Variants in CLSTN1 observed in about 807,000 individuals in gnomAD.
CLSTN1 encodes the protein calsyntenin-1.
In CLSTN1, 28 loss-of-function variants were observed where a neutral mutation model predicts 108.3. The observed-to-expected ratio is 0.26, with a 90% CI of 0.19 to 0.35. The LOEUF (loss-of-function observed/expected upper bound fraction) is 0.35, where lower values mean the gene tolerates loss of function less well. Among genes scored for constraint, CLSTN1 ranks in the 10% least tolerant of loss-of-function variants. The probability of loss-of-function intolerance (pLI) is 1.00; values close to 1 mark genes in which losing one functional copy is unlikely to be tolerated. For synonymous variants in CLSTN1, 524 were observed against 534.9 expected, an observed-to-expected ratio of 0.98 and a Z score of 0.28; for missense variants, 1,157 against 1,302.6, an observed-to-expected ratio of 0.89 and a Z score of 1.72.
At position 9,773,347 on chromosome 1, in the gene CLSTN1, T is replaced by C; in HGVS notation, c.139A>G (p.Thr47Ala). The change falls in exon 2 of 19, where the codon ACA (threonine) becomes GCA (alanine). Residue 47 changes from threonine to alanine, a missense_variant. Thr to Ala is a moderately conservative substitution (Grantham distance 58). Transcript: ENST00000377298. ...WLEPTYHGIV[T>A]ENDNTVLLDP... The stretch of plus-strand genomic sequence containing the variant: ...AGGAGCACGGTGTTGTCGTTCTCTG[T>C]GACTATGCCGTGGTAGGTGGGCTCC... 1.9e-6 allele frequency: 3 copies of C among 1,614,184 alleles called. No individual in the cohort carries two copies. The highest frequency in any genetic ancestry group is 2.5e-6 in the Non-Finnish European group (3 of 1,180,030).
At chr1:9,798,240 A>G (rs1328099260) in intron 1 of CLSTN1, among the ~76,000 whole-genome samples, 1 of 152,174 alleles carries the variant, frequency 6.6e-6, no homozygotes, top group East Asian at 1.9e-4. Flanking sequence ...TCCCAGGTAT[A>G]CATCCAAAAG....
chr1:9,816,481 T>A (rs1654974914), intron 1 of CLSTN1, among the ~76,000 whole-genome samples: 1 of 151,296 alleles, frequency 6.6e-6, no homozygotes, highest in African/African-American at 2.4e-5. Context: ...CTGAATTGTA[T>A]GCCTTAAAAG....
chr1:9,743,833 T>C lies in CLSTN1; in HGVS notation c.1356+51A>G, dbSNP rs528141508. ...CCAGCCTCCCAAAGTGCTGGGATTA[T>C]AGGTGTGAGCACCTTGCCCGGCCCT... On this transcript the variant is annotated intron_variant, in intron 9 of 18. Transcript: ENST00000377298. The C allele has an allele frequency of 1.5e-5, 24 of 1,603,894 alleles. No homozygotes were observed. In the East Asian group the frequency reaches 2.7e-4, roughly 18 times the overall value.
chr1:9,749,319 G>T, intron 7 of CLSTN1, 142 bp downstream of exon 7: 2 of 870,436 alleles, frequency 2.3e-6, no homozygotes, highest in Non-Finnish European at 3.4e-6. Flanking sequence ...AGCCAGCAAG[G>T]CAGCAAAGTT....
chr1:9,823,591 C>G lies in CLSTN1; in HGVS notation c.91+52G>C, dbSNP rs1359860107. ...CGCACCGGGACCCGAATCCTGCACC[C>G]GGACCCGAATCCCGCACCGACCCAG... On this transcript the variant is annotated intron_variant, in intron 1 of 18. Coordinates refer to ENST00000377298, the MANE Select transcript of CLSTN1 (RefSeq NM_001009566.3). This position sits in a 1 kb window ranked among gnomAD's most constrained non-coding sequence, Gnocchi z 6.3. 8.8e-7 allele frequency: 1 copy of G among 1,134,600 alleles called. No individual in the cohort carries two copies. The highest frequency in any genetic ancestry group is 1.1e-6 in the Non-Finnish European group (1 of 912,774). 70.3% of individuals were successfully genotyped at this position (1,134,600 alleles called of 1,614,324 possible).
At chr1:9,820,418 C>A (rs1286013637) in intron 1 of CLSTN1, among the ~76,000 whole-genome samples, 1 of 152,070 alleles carries the variant, frequency 6.6e-6, no homozygotes, top group Non-Finnish European at 1.5e-5. Context: ...ACTGGTGAGG[C>A]TGAGGCAGAA....
intron 1 of CLSTN1, among the ~76,000 whole-genome samples, chr1:9,775,895 C>T (rs1159719305): frequency 6.6e-6 from 1 of 152,058 alleles, no homozygotes. Flanking sequence ...AGGGGGGTCA[C>T]GCTCACGTGT....
At chr1:9,819,929 G>T (rs1191371908) in intron 1 of CLSTN1, among the ~76,000 whole-genome samples, 7 of 152,018 alleles carry the variant, frequency 4.6e-5, no homozygotes, top group African/African-American at 9.7e-5. Flanking sequence ...TTTTTAAAGG[G>T]ACTAACAGGG....
intron 4 of CLSTN1, among the ~76,000 whole-genome samples, chr1:9,754,525 C>T (rs1222041978): frequency 6.6e-6 from 1 of 152,002 alleles, no homozygotes; most frequent in Non-Finnish European, 1.5e-5. Flanking sequence ...TGCCACTACA[C>T]TCCAGCTTGG....
chr1:9,760,684 G>GTTTTT (rs762619559), intron 2 of CLSTN1, among the ~76,000 whole-genome samples: 42 of 102,428 alleles, frequency 4.1e-4, no homozygotes, highest in African/African-American at 1.7e-3. Context: ...CCATTCCCGG[G>GTTTTT]TTTTTTTTTT....
intron 2 of CLSTN1, among the ~76,000 whole-genome samples, chr1:9,757,995 T>G (rs1284671936): frequency 6.6e-6 from 1 of 150,690 alleles, no homozygotes; most frequent in Non-Finnish European, 1.5e-5. Flanking sequence ...GTTTTTTGTT[T>G]GTTTGTTTTG....
In CLSTN1 at chr1:9,743,575, T is replaced by A. The variant is rs539600266; in HGVS notation, c.1356+309A>T. ...TTTTTCTTTTTCTTTGGAGACGGGG[T>A]CTCACTCTGTCATCCAGGCTGGAGT... On this transcript the variant is annotated intron_variant, in intron 9 of 18. Transcript: ENST00000377298. Among the ~76,000 whole-genome samples, 7 of 152,234 alleles carry A rather than the reference T, an allele frequency of 4.6e-5. No homozygotes were observed. In the East Asian group the frequency reaches 1.3e-3, roughly 29 times the overall value.
In CLSTN1 at chr1:9,801,578, G is replaced by C. The variant is rs139112545; in HGVS notation, c.91+22065C>G. ...TTGTTCGTTTGTTTTTGTTGAGACA[G>C]AGTTTCGCTCTTGTTGCCCAGGCTG... is the stretch of plus-strand genomic sequence containing the variant. On this transcript the variant is annotated intron_variant, in intron 1 of 18. Coordinates refer to ENST00000377298, the MANE Select transcript of CLSTN1 (RefSeq NM_001009566.3). 8.5e-3 allele frequency among the ~76,000 whole-genome samples: 1,294 copies of C among 152,298 alleles called. 62 individuals carry two copies. Among genetic ancestry groups the C allele is most frequent in the Admixed American group, 0.069 (1,062 of 15,298 alleles).
intron 1 of CLSTN1, among the ~76,000 whole-genome samples, chr1:9,779,202 A>G (rs1163464467): frequency 6.6e-6 from 1 of 152,206 alleles, no homozygotes; most frequent in Non-Finnish European, 1.5e-5. Context: ...CTCTGAGAGA[A>G]TAACTTGACT....
chr1:9,738,981 G>A (rs1650837462), intron 10 of CLSTN1, among the ~76,000 whole-genome samples: 1 of 151,886 alleles, frequency 6.6e-6, no homozygotes, highest in Admixed American at 6.6e-5. Context: ...CCTTACTCAA[G>A]GTACAATGTT....
chr1:9,753,772 G>T (rs1362157900), intron 4 of CLSTN1, among the ~76,000 whole-genome samples: 1 of 152,130 alleles, frequency 6.6e-6, no homozygotes, highest in Non-Finnish European at 1.5e-5. Context: ...CTCCCAAAGT[G>T]CTGGGATTAC....
rs1650576361 is a variant in CLSTN1 at position 9,734,500 on chromosome 1, A to G, written c.2111-358T>C. 3.3e-5 allele frequency among the ~76,000 whole-genome samples: 5 copies of G among 151,304 alleles called. No individual in the cohort carries two copies. The South Asian group carries it at 1.1e-3, about 32-fold the overall frequency. On this transcript the variant is annotated intron_variant, in intron 14 of 18. Coordinates refer to ENST00000377298, the MANE Select transcript of CLSTN1 (RefSeq NM_001009566.3). This position sits in a 1 kb window ranked among gnomAD's most constrained non-coding sequence, Gnocchi z 4.8. ...TGAGGCAGGAGAATCGCTTGAACTC[A>G]GGAGGTGGATGCTGCAGTTAGCCAA...
Position 9,823,726 on chromosome 1 carries a change from C to G in CLSTN1, c.8G>C (p.Arg3Pro). 9.3e-7 allele frequency: 1 copy of G among 1,075,344 alleles called. No individual in the cohort carries two copies. Among genetic ancestry groups the G allele is most frequent in the Non-Finnish European group, 1.1e-6 (1 of 889,418 alleles). 66.6% of individuals were successfully genotyped at this position (1,075,344 alleles called of 1,614,324 possible). A position where few individuals can be genotyped will look rare whatever the true frequency, so the allele number is the denominator to read the frequency against. The change falls in exon 1 of 19, where the codon CGC (arginine) becomes CCC (proline). Residue 3 changes from arginine to proline, a missense_variant. Transcript: ENST00000377298. This position sits in a 1 kb window ranked among gnomAD's most constrained non-coding sequence, Gnocchi z 6.3. Reference sequence around the variant, plus strand: ...CGGGGCCAGCGCGGGAGCGGGGCGGCGCAGCATCGCCAGCCCGGGGCGGGA... The same window carrying G: ...CGGGGCCAGCGCGGGAGCGGGGCGGGGCAGCATCGCCAGCCCGGGGCGGGA... ML[R>P]RPAPALAPAA...
At chr1:9,757,367 G>C (rs182989902) in intron 2 of CLSTN1, among the ~76,000 whole-genome samples, 1 of 149,588 alleles carries the variant, frequency 6.7e-6, no homozygotes, top group African/African-American at 2.5e-5. Context: ...TCAGCCTCCC[G>C]AGTAGCTGGG....
Sources: gnomAD v4.1 joint callset for allele counts (sites outside exome capture counted in the v4.1 genomes callset) on GRCh38, gnomAD v4.1.1 for gene constraint, Gnocchi (gnomAD v3.1) non-coding constraint, MANE v1.5 for transcripts, NCBI Gene and HGNC (gene_info 2026-07-23, HGNC 2026-07-21) for gene names.